RTTN: variants seen among roughly 807,000 people sequenced by gnomAD.
RTTN encodes rotatin.
In RTTN, 182 loss-of-function variants were observed where a neutral mutation model predicts 269.2. The observed-to-expected ratio is 0.68, with a 90% CI of 0.60 to 0.76. The LOEUF (loss-of-function observed/expected upper bound fraction) is 0.76. Ranked by LOEUF, RTTN falls within the 30% of genes least tolerant of loss-of-function variation. The pLI, the probability that RTTN is intolerant of heterozygous loss-of-function variation, is 0.00. For missense variants in RTTN, 2,545 were observed against 2,608.6 expected (o/e 0.98, Z 0.53); for synonymous variants, 1,006 against 963.5 (o/e 1.04, Z -0.82).
intron 14 of RTTN, among the ~76,000 whole-genome samples, chr18:70,153,188 TTTTA>T (rs1278824050): frequency 6.6e-6 from 1 of 152,084 alleles, no homozygotes; most frequent in African/African-American, 2.4e-5. Context: ...TACAACACTA[TTTTA>T]TTTAAAACAC....
chr18:70,012,451 A>G lies in RTTN; in HGVS notation c.6421+4956T>C, dbSNP rs572915153. Among the ~76,000 whole-genome samples the G allele has an allele frequency of 2.8e-5, 4 of 143,856 alleles. No individual in the cohort carries two copies. In the East Asian group the frequency reaches 8.5e-4, roughly 30 times the overall value. 94.4% of individuals were successfully genotyped at this position (143,856 alleles called of 152,430 possible). A position where few individuals can be genotyped will look rare whatever the true frequency, so the allele number is the denominator to read the frequency against. ...CAGCGTCTGCTCACTGGTATTGGTT[A>G]CAGGGCAGCATCTGCTCACTGGTAT... On this transcript the variant is annotated intron_variant, in intron 46 of 48. Coordinates refer to ENST00000640769, the MANE Select transcript of RTTN (RefSeq NM_173630.4).
chr18:70,168,092 C>G (rs1305523986), intron 12 of RTTN, among the ~76,000 whole-genome samples: 1 of 144,456 alleles, frequency 6.9e-6, no homozygotes, highest in Non-Finnish European at 1.5e-5. Context: ...AGGCTGTAGC[C>G]TAGGCAACTG....
intron 28 of RTTN, among the ~76,000 whole-genome samples, chr18:70,100,976 T>C (rs554834581): frequency 1.3e-5 from 2 of 152,230 alleles, no homozygotes; most frequent in Non-Finnish European, 2.9e-5. Flanking sequence ...GGATTCAGTT[T>C]GCCAGTATTT....
intron 34 of RTTN, among the ~76,000 whole-genome samples, chr18:70,068,773 C>CA (rs2058216581): frequency 6.6e-6 from 1 of 152,168 alleles, no homozygotes; most frequent in Non-Finnish European, 1.5e-5. Flanking sequence ...GGTCTAAGTG[C>CA]AAAATCACAA....
At chr18:70,071,313 GA>G (rs2058288899) in intron 34 of RTTN, among the ~76,000 whole-genome samples, 1 of 152,086 alleles carries the variant, frequency 6.6e-6, no homozygotes, top group Non-Finnish European at 1.5e-5. Flanking sequence ...AAAAAAGTTT[GA>G]AAGATCACAT....
At position 70,135,636 on chromosome 18, in the gene RTTN, G is replaced by T. The variant is rs2060107131; in HGVS notation, c.2789-356C>A. 2.0e-5 allele frequency among the ~76,000 whole-genome samples: 3 copies of T among 152,164 alleles called. No homozygotes were observed. The South Asian group carries it at 6.2e-4, about 32-fold the overall frequency. On this transcript the variant is annotated intron_variant, in intron 21 of 48. Coordinates refer to ENST00000640769, the MANE Select transcript of RTTN (RefSeq NM_173630.4). ...ACAAACTGATACAGCCTCTAAGAAGGTTATGCCGAGTCAGATAATTCTAGC... is the reference window on the plus strand; with the variant it reads ...ACAAACTGATACAGCCTCTAAGAAGTTTATGCCGAGTCAGATAATTCTAGC...
intron 18 of RTTN, among the ~76,000 whole-genome samples, chr18:70,143,638 A>G (rs1194962116): frequency 6.6e-6 from 1 of 152,064 alleles, no homozygotes; most frequent in Non-Finnish European, 1.5e-5. Flanking sequence ...AAAAATAACT[A>G]TCGGGTACTA....
In RTTN at chr18:70,205,264, T is replaced by A. The variant is rs753862778; in HGVS notation, c.83A>T (p.Lys28Met). 6.2e-7 allele frequency: 1 copy of A among 1,614,242 alleles called. No individual in the cohort carries two copies. Among genetic ancestry groups the A allele is most frequent in the East Asian group, 2.2e-5 (1 of 44,878 alleles). Residue 28 changes from lysine (K) to methionine (M), a missense_variant, in exon 2 of 49, where the codon AAG becomes ATG. Physicochemically the swap from Lys to Met is moderately conservative, Grantham distance 95. Coordinates refer to ENST00000640769, the MANE Select transcript of RTTN (RefSeq NM_173630.4). ...RERALKSILC[K>M]IEHNLICYAD... The stretch of plus-strand genomic sequence containing the variant: ...GTAGCAGATTAAGTTGTGCTCAATC[T>A]TGCAGAGAATACTCTTGAGAGCGCG...
chr18:70,004,216 T>C lies in RTTN; in HGVS notation c.6616A>G (p.Asn2206Asp). 4 of 1,613,668 alleles carry C rather than the reference T, an allele frequency of 2.5e-6. No individual in the cohort carries two copies. The highest frequency in any genetic ancestry group is 3.4e-6 in the Non-Finnish European group (4 of 1,179,632). ...AKKTFPNSEA[N>D]PLNAYYLKCL... ...TTCAAATAATAGGCATTTAGAGGGTTTGCTTCTGAGTTTGGGAAAGCTGAG... is the reference window on the plus strand; with the variant it reads ...TTCAAATAATAGGCATTTAGAGGGTCTGCTTCTGAGTTTGGGAAAGCTGAG... Residue 2206 changes from asparagine (N) to aspartate (D), a missense_variant, in exon 49 of 49, where the codon AAC becomes GAC. Transcript: ENST00000640769.
intron 38 of RTTN, among the ~76,000 whole-genome samples, chr18:70,051,788 C>G (rs2057678820): frequency 6.6e-6 from 1 of 152,178 alleles, no homozygotes; most frequent in South Asian, 2.1e-4. Flanking sequence ...ACAAACTCTC[C>G]TCTTATTAAA....
intron 40 of RTTN, among the ~76,000 whole-genome samples, chr18:70,035,398 A>G (rs144810968): frequency 3.9e-5 from 6 of 152,366 alleles, no homozygotes; most frequent in African/African-American, 1.4e-4. Context: ...GAGCCTAGAA[A>G]TAAGGGTGTA....
chr18:70,146,533 T>C (rs2060398010), intron 17 of RTTN, among the ~76,000 whole-genome samples: 1 of 152,164 alleles, frequency 6.6e-6, no homozygotes, highest in African/African-American at 2.4e-5. Context: ...TTGCCAGGTT[T>C]TAAGAACTAC....
intron 25 of RTTN, 96 bp downstream of exon 25, chr18:70,127,406 G>T (rs2145610089): frequency 7.4e-7 from 1 of 1,358,884 alleles, no homozygotes; most frequent in Non-Finnish European, 9.9e-7. Flanking sequence ...GATAGCAGCA[G>T]TAAGGGCATA....
At chr18:70,091,741 A>C (rs1226061471) in intron 30 of RTTN, 1 of 160,504 alleles carries the variant, frequency 6.2e-6, no homozygotes, top group Non-Finnish European at 1.4e-5. Flanking sequence ...ATGTATATGT[A>C]TATATGTTTT....
At chr18:70,069,148 T>C (rs2145004643) in intron 34 of RTTN, among the ~76,000 whole-genome samples, 1 of 152,186 alleles carries the variant, frequency 6.6e-6, no homozygotes, top group South Asian at 2.1e-4. Flanking sequence ...ATATGGTTAA[T>C]ATGGTTAATA....
intron 18 of RTTN, among the ~76,000 whole-genome samples, chr18:70,143,936 T>G (rs1213010862): frequency 1.3e-5 from 2 of 151,936 alleles, no homozygotes; most frequent in Non-Finnish European, 2.9e-5. Context: ...CTCAGCTCAC[T>G]GCAGACTCGA....
At position 70,017,680 on chromosome 18, in the gene RTTN, GATAA is replaced by G. The variant is rs763695453; in HGVS notation, c.6154-10_6154-7del. 8.8e-6 allele frequency: 14 copies of G among 1,596,840 alleles called. No individual in the cohort carries two copies. Among genetic ancestry groups the G allele is most frequent in the African/African-American group, 2.7e-5 (2 of 74,006 alleles). On this transcript the variant is annotated splice_region_variant and splice_polypyrimidine_tract_variant and intron_variant, in intron 45 of 48. Coordinates refer to ENST00000640769, the MANE Select transcript of RTTN (RefSeq NM_173630.4). ...AAGTTCTGTAAGAAGTTACTCTGTG[GATAA>G]ATAGAGAGAATATTATTTTCTTCTC... is the stretch of plus-strand genomic sequence containing the variant.
rs372431222 is a variant in RTTN at position 70,054,261 on chromosome 18, T to C, written c.5055A>G (p.Leu1685=). The C allele has an allele frequency of 3.2e-5, 52 of 1,612,836 alleles. No homozygotes were observed. Among genetic ancestry groups the C allele is most frequent in the African/African-American group, 3.1e-4 (23 of 74,862 alleles). Residue 1685 remains leucine, a synonymous_variant, in exon 38 of 49, where the codon CTA becomes CTG. Transcript: ENST00000640769. ...QAQVSFLLEY[L]SSLSRLLQSC... ...ACTGCAGAAGCCTGGACAAAGAGGA[T>C]AGGTATTCCAGGAGAAAGGAAACCT...
chr18:70,149,905 G>T, intron 16 of RTTN, 66 bp downstream of exon 16: 1 of 1,065,490 alleles, frequency 9.4e-7, no homozygotes, highest in Non-Finnish European at 1.5e-6. Flanking sequence ...CTGTTTGCAT[G>T]CATTTAAATC....
Sources: gnomAD v4.1 joint callset for allele counts (sites outside exome capture counted in the v4.1 genomes callset) on GRCh38, gnomAD v4.1.1 for gene constraint, MANE v1.5 for transcripts, NCBI Gene and HGNC (gene_info 2026-07-23, HGNC 2026-07-21) for gene names.